Variants in SHISA4 observed in about 807,000 individuals in gnomAD.
SHISA4 encodes the protein shisa family member 4.
SHISA4 carries 16 observed loss-of-function variants against 24.2 expected under a neutral mutation model. The observed-to-expected ratio is 0.66, with a 90% CI of 0.45 to 1.00. The LOEUF (loss-of-function observed/expected upper bound fraction) is 1.00. Ranked by LOEUF, SHISA4 falls within the 50% of genes least tolerant of loss-of-function variation. The pLI is 0.00. For synonymous variants in SHISA4, 106 were observed against 105.4 expected, an observed-to-expected ratio of 1.01 and a Z score of -0.04; for missense variants, 238 against 258.9, an observed-to-expected ratio of 0.92 and a Z score of 0.55.
At chr1:201,890,624 G>T in intron 3 of SHISA4, 37 bp downstream of exon 3, 1 of 1,610,796 alleles carries the variant, frequency 6.2e-7, no homozygotes, top group Non-Finnish European at 8.5e-7. Context: ...CCTCAGATGG[G>T]CTGGGCTAAG....
rs775840412 is a variant in SHISA4, at chr1:201,892,487, G to T, written c.*641G>T. 2.6e-5 allele frequency among the ~76,000 whole-genome samples: 4 copies of T among 152,002 alleles called. No individual in the cohort carries two copies. Among genetic ancestry groups the T allele is most frequent in the Admixed American group, 6.6e-5 (1 of 15,248 alleles). ...GGCGGACTGTTCCTGGCTTCCTAAAGGCTTCCTAAAGACAATGAGGTGAAT... is the reference window on the plus strand; with the variant it reads ...GGCGGACTGTTCCTGGCTTCCTAAATGCTTCCTAAAGACAATGAGGTGAAT... On this transcript the variant is annotated 3_prime_UTR_variant, in exon 5 of 5. Coordinates refer to ENST00000362011, the MANE Select transcript of SHISA4 (RefSeq NM_198149.3).
intron 1 of SHISA4, 25 bp from the exon 2 acceptor site, chr1:201,889,420 G>A: frequency 6.2e-7 from 1 of 1,609,104 alleles, no homozygotes; most frequent in Non-Finnish European, 8.5e-7. Flanking sequence ...GGTGGCCACT[G>A]GGCACCCCCA....
Position 201,890,506 on chromosome 1 carries a change from G to T in SHISA4, c.298G>T (p.Val100Phe), listed in dbSNP as rs1309948505. 1 of 1,614,230 alleles carries T rather than the reference G, an allele frequency of 6.2e-7. No homozygotes were observed. The highest frequency in any genetic ancestry group is 1.1e-5 in the South Asian group (1 of 91,086). ...ASAVILFVAVVATTICCFLCS... is the reference protein window; with the variant it reads ...ASAVILFVAVFATTICCFLCS... ...AGCTGTGATCCTCTTTGTTGCTGTG[G>T]TTGCCACCACCATCTGCTGCTTCCT... is the stretch of plus-strand genomic sequence containing the variant. The change falls in exon 3 of 5, where the codon GTT becomes TTT. Residue 100 changes from valine to phenylalanine, a missense_variant. Transcript: ENST00000362011.
chr1:201,891,623 C>A (rs562696551), intron 4 of SHISA4, 55 bp downstream of exon 4: 11 of 1,561,490 alleles, frequency 7.0e-6, no homozygotes, highest in South Asian at 1.2e-5. Context: ...CCTTGCCCTG[C>A]GACCTCCCCT....
intron 3 of SHISA4, among the ~76,000 whole-genome samples, chr1:201,890,870 G>A (rs1482387205): frequency 3.9e-5 from 6 of 152,260 alleles, no homozygotes; most frequent in South Asian, 2.1e-4. Flanking sequence ...TGCAGTGGGT[G>A]TATGCATACA....
Position 201,892,128 on chromosome 1 carries a change from T to G in SHISA4, c.*282T>G. The G allele has an allele frequency of 5.1e-6, 2 of 390,220 alleles. No homozygotes were observed. Among genetic ancestry groups the G allele is most frequent in the Non-Finnish European group, 9.4e-6 (2 of 213,178 alleles). The allele number at this position is 390,220 out of a possible 1,614,324, so 24.2% of individuals were successfully genotyped here. A position where few individuals can be genotyped will look rare whatever the true frequency, so the allele number is the denominator to read the frequency against. On this transcript the variant is annotated 3_prime_UTR_variant, in exon 5 of 5. Coordinates refer to ENST00000362011, the MANE Select transcript of SHISA4 (RefSeq NM_198149.3). ...CTGGGTCACAGTGCCTGTTTTCAAA[T>G]AGTCCCTCTGCTCCCAAGATCCCAG...
At chr1:201,890,659 C>G (rs1369599188) in intron 3 of SHISA4, 72 bp downstream of exon 3, 42 of 1,571,434 alleles carry the variant, frequency 2.7e-5, no homozygotes, top group Non-Finnish European at 3.6e-5. Context: ...GCAGAGAGTT[C>G]ATGGATTGGG....
chr1:201,888,935 G>A lies in SHISA4; in HGVS notation c.-60G>A, dbSNP rs901493444. ...GGCCCCGCCGCAGCTCCAGCTGGCC[G>A]GCTTGGTCCTGCGGTCCCTTCTCTG... On this transcript the variant is annotated 5_prime_UTR_variant, in exon 1 of 5. Coordinates refer to ENST00000362011, the MANE Select transcript of SHISA4 (RefSeq NM_198149.3). The A allele has an allele frequency of 1.7e-6, 2 of 1,198,396 alleles. No homozygotes were observed. Among genetic ancestry groups the A allele is most frequent in the South Asian group, 2.5e-5 (1 of 39,446 alleles). 74.2% of individuals were successfully genotyped at this position (1,198,396 alleles called of 1,614,324 possible). A position where few individuals can be genotyped will look rare whatever the true frequency, so the allele number is the denominator to read the frequency against.
Position 201,889,627 on chromosome 1 carries a change from GC to G in SHISA4, c.245+13del. ...CTGCCTGGCCTTCAGGTGGGTTCCT[GC>G]CTCCTCACCCTCACCACCTCCTCTA... On this transcript the variant is annotated intron_variant, in intron 2 of 4. Transcript: ENST00000362011. 6.2e-7 allele frequency: 1 copy of G among 1,611,928 alleles called. No homozygotes were observed. Among genetic ancestry groups the G allele is most frequent in the South Asian group, 1.1e-5 (1 of 91,038 alleles).
rs1158048043 is a variant in SHISA4, at chr1:201,891,979, G to A, written c.*133G>A. The A allele has an allele frequency of 2.0e-6, 2 of 1,022,254 alleles. No individual in the cohort carries two copies. The highest frequency in any genetic ancestry group is 3.0e-6 in the Non-Finnish European group (2 of 658,056). 63.3% of individuals were successfully genotyped at this position (1,022,254 alleles called of 1,614,324 possible). On this transcript the variant is annotated 3_prime_UTR_variant, in exon 5 of 5. Coordinates refer to ENST00000362011, the MANE Select transcript of SHISA4 (RefSeq NM_198149.3). The stretch of plus-strand genomic sequence containing the variant: ...AGGCCCCAGACCAAGCCAAGCCCTG[G>A]GCCCTACTGGGGACAGAGCCCCAGG...
intron 3 of SHISA4, 69 bp from the exon 4 acceptor site, chr1:201,891,332 C>G: frequency 6.2e-7 from 1 of 1,600,096 alleles, no homozygotes; most frequent in South Asian, 1.1e-5. Context: ...ACCTTGGTTT[C>G]CTGGGCAGGA....
intron 3 of SHISA4, among the ~76,000 whole-genome samples, chr1:201,890,845 G>C (rs975338888): frequency 3.9e-5 from 6 of 152,228 alleles, no homozygotes; most frequent in Admixed American, 6.5e-5. Context: ...AGTGCAGTCT[G>C]TCAACAATAG....
rs1463745105 is a variant in SHISA4 at position 201,888,964 on chromosome 1, G to T, written c.-31G>T. ...TGGTCCTGCGGTCCCTTCTCTGGGA[G>T]GCCCGACCCCGGCCGCGCCCAGCCC... On this transcript the variant is annotated 5_prime_UTR_variant, in exon 1 of 5. The change creates a new upstream start codon in the 5' untranslated region. Transcript: ENST00000362011. 9.5e-6 allele frequency: 13 copies of T among 1,369,542 alleles called. No individual in the cohort carries two copies. Among genetic ancestry groups the T allele is most frequent in the Non-Finnish European group, 1.2e-5 (13 of 1,057,690 alleles). The allele number at this position is 1,369,542 out of a possible 1,614,324, so 84.8% of individuals were successfully genotyped here.
At chr1:201,890,307 C>T (rs1681068759) in intron 2 of SHISA4, 147 bp from the exon 3 acceptor site, 2 of 1,042,040 alleles carry the variant, frequency 1.9e-6, no homozygotes, top group Admixed American at 2.4e-5. Flanking sequence ...TCTAAGATCT[C>T]CTTCACAGGG....
rs747804240 is a variant in SHISA4, at chr1:201,889,493, G to C, written c.122G>C (p.Trp41Ser). 1.9e-6 allele frequency: 3 copies of C among 1,613,940 alleles called. No homozygotes were observed. Among genetic ancestry groups the C allele is most frequent in the Non-Finnish European group, 1.7e-6 (2 of 1,180,016 alleles). ...TGGTACCTGGACCGGAATGGCTCCT[G>C]GCATCCGGGGTTTAACTGCGAGTTC... ...CLWYLDRNGS[W>S]HPGFNCEFFT... is the part of the protein sequence containing the mutation. Residue 41 changes from tryptophan (W) to serine (S), a missense_variant, in exon 2 of 5, where the codon TGG (tryptophan) becomes TCG (serine). Coordinates refer to ENST00000362011, the MANE Select transcript of SHISA4 (RefSeq NM_198149.3).
chr1:201,891,402 C>A lies in SHISA4; in HGVS notation c.381C>A (p.Gly127=), dbSNP rs753211563. 6.2e-7 allele frequency: 1 copy of A among 1,613,858 alleles called. No homozygotes were observed. ...RRQQLQSPFE[G]QEIPMTGIPV... ...TGCTGATCCTTCTCCCCCATCTAGG[C>A]CAGGAGATTCCAATGACAGGCATCC... is the stretch of plus-strand genomic sequence containing the variant. The change falls in exon 4 of 5, where the codon GGC becomes GGA. Residue 127 remains glycine, a splice_region_variant and synonymous_variant. Coordinates refer to ENST00000362011, the MANE Select transcript of SHISA4 (RefSeq NM_198149.3).
rs1681117409 is a variant in SHISA4 at position 201,892,253 on chromosome 1, C to A, written c.*407C>A. On this transcript the variant is annotated 3_prime_UTR_variant, in exon 5 of 5. Transcript: ENST00000362011. ...TGGCAGTAGCCCTCCTCTCTGGCTG[C>A]CCCACTGGCCACATCTCTGGCCTGC... is the stretch of plus-strand genomic sequence containing the variant. 1 of 253,790 alleles carries A rather than the reference C, an allele frequency of 3.9e-6. No individual in the cohort carries two copies. Among genetic ancestry groups the A allele is most frequent in the Non-Finnish European group, 7.7e-6 (1 of 130,670 alleles). 15.7% of individuals were successfully genotyped at this position (253,790 alleles called of 1,614,324 possible).
In SHISA4 at chr1:201,888,919, G is replaced by A; in HGVS notation, c.-76G>A. 1.9e-6 allele frequency: 2 copies of A among 1,056,540 alleles called. No individual in the cohort carries two copies. The highest frequency in any genetic ancestry group is 2.5e-6 in the Non-Finnish European group (2 of 806,088). The allele number at this position is 1,056,540 out of a possible 1,614,324, so 65.4% of individuals were successfully genotyped here. A position where few individuals can be genotyped will look rare whatever the true frequency, so the allele number is the denominator to read the frequency against. On this transcript the variant is annotated 5_prime_UTR_variant, in exon 1 of 5. Coordinates refer to ENST00000362011, the MANE Select transcript of SHISA4 (RefSeq NM_198149.3). Reference sequence around the variant, plus strand: ...GCCTGGCCGCGGGCTGGGCCCCGCCGCAGCTCCAGCTGGCCGGCTTGGTCC... The same window carrying A: ...GCCTGGCCGCGGGCTGGGCCCCGCCACAGCTCCAGCTGGCCGGCTTGGTCC...
intron 3 of SHISA4, 124 bp from the exon 4 acceptor site, chr1:201,891,277 A>C: frequency 8.5e-7 from 1 of 1,177,912 alleles, no homozygotes; most frequent in Non-Finnish European, 1.2e-6. Context: ...TGGGAGGCAA[A>C]GATGGCCAGC....
Sources: gnomAD v4.1 joint callset for allele counts (sites outside exome capture counted in the v4.1 genomes callset) on GRCh38, gnomAD v4.1.1 for gene constraint, MANE v1.5 for transcripts, NCBI Gene and HGNC (gene_info 2026-07-23, HGNC 2026-07-21) for gene names.